The following UBE2E2 variants were observed in gnomAD, a reference collection of about 807,000 sequenced individuals.
The protein encoded by UBE2E2 is ubiquitin-conjugating enzyme E2 E2.
In UBE2E2, 6 loss-of-function variants were observed where a neutral mutation model predicts 24.7. That is an observed-to-expected ratio of 0.24 (90% confidence interval 0.13 to 0.48). The LOEUF is 0.48. Among genes scored for constraint, UBE2E2 ranks in the 20% least tolerant of loss-of-function variants. The probability of loss-of-function intolerance (pLI) is 0.99; values close to 1 mark genes in which losing one functional copy is unlikely to be tolerated. For missense variants in UBE2E2, 169 were observed against 245.0 expected (o/e 0.69, Z 2.07); for synonymous variants, 104 against 83.6 (o/e 1.24, Z -1.33).
intron 3 of UBE2E2, among the ~76,000 whole-genome samples, chr3:23,380,086 TAAAAA>T (rs10559253): frequency 0.048 from 6,536 of 136,320 alleles, 186 homozygotes; most frequent in Middle Eastern, 0.14. Context: ...TTGATTACTG[TAAAAA>T]AAAAAAAAAA....
chr3:23,505,701 A>G (rs1022820481), intron 4 of UBE2E2, among the ~76,000 whole-genome samples: 3 of 152,250 alleles, frequency 2.0e-5, no homozygotes, highest in Admixed American at 1.3e-4. Context: ...CTAGAGATCA[A>G]TTCAGAGCAT....
intron 3 of UBE2E2, among the ~76,000 whole-genome samples, chr3:23,361,023 G>A (rs1696099968): frequency 1.3e-5 from 2 of 151,842 alleles, no homozygotes; most frequent in Admixed American, 1.3e-4. Context: ...CAAAGGACAT[G>A]AATAGACATT....
intron 3 of UBE2E2, among the ~76,000 whole-genome samples, chr3:23,342,171 A>G (rs1183999869): frequency 2.0e-5 from 3 of 151,130 alleles, no homozygotes; most frequent in Non-Finnish European, 3.0e-5. Context: ...TATGGGGGGT[A>G]CTTTGATTTA....
intron 3 of UBE2E2, chr3:23,274,032 G>T (rs1371179639): frequency 1.3e-5 from 2 of 152,186 alleles, no homozygotes; most frequent in African/African-American, 4.8e-5. Flanking sequence ...AAAAAATGCT[G>T]TTGATATAAG....
At chr3:23,224,933 C>T (rs1017700717) in intron 3 of UBE2E2, among the ~76,000 whole-genome samples, 6 of 150,162 alleles carry the variant, frequency 4.0e-5, no homozygotes, top group African/African-American at 1.5e-4. Context: ...AGTTTTTCTC[C>T]ACAACTTTGG....
At chr3:23,306,047 C>G (rs769780749) in intron 3 of UBE2E2, among the ~76,000 whole-genome samples, 6 of 152,084 alleles carry the variant, frequency 3.9e-5, no homozygotes, top group Admixed American at 3.3e-4. Flanking sequence ...TTAGATGAAC[C>G]TTTACAAGTT....
At chr3:23,530,102 T>C (rs761404960) in intron 4 of UBE2E2, among the ~76,000 whole-genome samples, 26 of 152,338 alleles carry the variant, frequency 1.7e-4, no homozygotes, top group Admixed American at 9.2e-4. Flanking sequence ...ATCTTTTATA[T>C]GTAGATTCTG....
At chr3:23,392,055 A>C (rs959458550) in intron 3 of UBE2E2, among the ~76,000 whole-genome samples, 3 of 152,172 alleles carry the variant, frequency 2.0e-5, no homozygotes, top group Middle Eastern at 3.2e-3. Flanking sequence ...AAAATGGTTT[A>C]TCATGTTTTA....
chr3:23,445,845 GC>G (rs377199562), intron 3 of UBE2E2, among the ~76,000 whole-genome samples: 70 of 152,222 alleles, frequency 4.6e-4, no homozygotes, highest in African/African-American at 1.3e-3. Flanking sequence ...TTCTCTTAGG[GC>G]CCTGTAACAT....
At chr3:23,208,551 A>C in intron 1 of UBE2E2, 141 bp from the exon 2 acceptor site, 1 of 580,882 alleles carries the variant, frequency 1.7e-6, no homozygotes, top group East Asian at 3.4e-5. Flanking sequence ...CAACTCCCAA[A>C]GCTGCATTGT....
chr3:23,506,623 C>G (rs1413536739), intron 4 of UBE2E2, among the ~76,000 whole-genome samples: 1 of 152,152 alleles, frequency 6.6e-6, no homozygotes, highest in Non-Finnish European at 1.5e-5. Context: ...TGGTTCCACC[C>G]TTGTCCCTTC....
intron 3 of UBE2E2, among the ~76,000 whole-genome samples, chr3:23,245,439 T>A (rs977713486): frequency 6.6e-6 from 1 of 152,174 alleles, no homozygotes; most frequent in African/African-American, 2.4e-5. Flanking sequence ...AAATCCTAAC[T>A]GTAAATCTTA....
intron 3 of UBE2E2, among the ~76,000 whole-genome samples, chr3:23,255,079 C>CTTTTT (rs202015038): frequency 9.3e-5 from 8 of 85,948 alleles, no homozygotes; most frequent in African/African-American, 1.6e-4. Context: ...GAGTAACTTC[C>CTTTTT]TTTTTTTTTT....
intron 3 of UBE2E2, among the ~76,000 whole-genome samples, chr3:23,279,208 C>T (rs1272771047): frequency 6.6e-6 from 1 of 151,946 alleles, no homozygotes; most frequent in Non-Finnish European, 1.5e-5. Flanking sequence ...GTAGTTGAGG[C>T]GTGATTTCAG....
intron 3 of UBE2E2, among the ~76,000 whole-genome samples, chr3:23,299,029 G>A (rs1024564605): frequency 6.6e-6 from 1 of 152,210 alleles, no homozygotes; most frequent in Non-Finnish European, 1.5e-5. Flanking sequence ...GGATGTATAT[G>A]TCAGGGAATT....
chr3:23,452,214 C>T (rs763160475), intron 3 of UBE2E2, among the ~76,000 whole-genome samples: 1 of 152,168 alleles, frequency 6.6e-6, no homozygotes, highest in Non-Finnish European at 1.5e-5. Flanking sequence ...TGAATTCACA[C>T]TTTCAACAGC....
chr3:23,258,214 C>T (rs1697789560), intron 3 of UBE2E2, among the ~76,000 whole-genome samples: 1 of 152,166 alleles, frequency 6.6e-6, no homozygotes, highest in African/African-American at 2.4e-5. Context: ...AGAGGCAAAA[C>T]AGTCGATTCC....
At chr3:23,203,941 C>T (rs1255360722) in intron 1 of UBE2E2, among the ~76,000 whole-genome samples, 1 of 152,068 alleles carries the variant, frequency 6.6e-6, no homozygotes. Flanking sequence ...CGCCGCCGCA[C>T]CCCGGTGGCC....
At chr3:23,397,521 C>A in intron 3 of UBE2E2, among the ~76,000 whole-genome samples, 1 of 152,204 alleles carries the variant, frequency 6.6e-6, no homozygotes, top group East Asian at 1.9e-4. Context: ...TCCCACATTC[C>A]CTTTCCCAAT....
Sources: allele counts gnomAD v4.1 joint callset (sites outside exome capture counted in the v4.1 genomes callset), GRCh38; gene constraint gnomAD v4.1.1; transcripts MANE v1.5; gene names NCBI Gene and HGNC (gene_info 2026-07-23, HGNC 2026-07-21).